OR9Q1: variants seen among roughly 807,000 people sequenced by gnomAD.
OR9Q1 encodes olfactory receptor 9Q1.
For missense variants in OR9Q1, 374 were observed against 378.8 expected (o/e 0.99, Z 0.11); for synonymous variants, 153 against 148.6 (o/e 1.03, Z -0.22).
intron 2 of OR9Q1, among the ~76,000 whole-genome samples, chr11:58,102,823 T>A (rs1853797719): frequency 6.6e-6 from 1 of 152,248 alleles, no homozygotes; most frequent in Non-Finnish European, 1.5e-5. Context: ...ACTTTGGAAA[T>A]TTTCAGCTAT....
chr11:58,161,108 G>A (rs1241299573), intron 2 of OR9Q1, among the ~76,000 whole-genome samples: 2 of 151,864 alleles, frequency 1.3e-5, no homozygotes, highest in Non-Finnish European at 2.9e-5. Flanking sequence ...GTCGGGGGCT[G>A]GGGGAGGGAT....
chr11:58,136,625 G>A (rs1590609628), intron 2 of OR9Q1, among the ~76,000 whole-genome samples: 1 of 152,216 alleles, frequency 6.6e-6, no homozygotes, highest in Admixed American at 6.5e-5. Context: ...TTTAGGCGAT[G>A]TATCACATGG....
At chr11:58,095,302 G>T (rs1161332295) in intron 2 of OR9Q1, among the ~76,000 whole-genome samples, 5 of 152,236 alleles carry the variant, frequency 3.3e-5, no homozygotes, top group South Asian at 2.1e-4. Context: ...ACACCAGGTG[G>T]CTGCTAGGAG....
At position 58,168,745 on chromosome 11, in the gene OR9Q1, T is replaced by C. The variant is rs112280188; in HGVS notation, c.-14-10686T>C. 8.4e-3 allele frequency among the ~76,000 whole-genome samples: 1,276 copies of C among 152,282 alleles called. 22 individuals carry two copies. Among genetic ancestry groups the C allele is most frequent in the African/African-American group, 0.03 (1,230 of 41,576 alleles). On this transcript the variant is annotated intron_variant, in intron 2 of 2. Coordinates refer to ENST00000335397, the MANE Select transcript of OR9Q1 (RefSeq NM_001005212.4). ...TACTAAAAATTTTTAAAATTTATCT[T>C]TAGCTTCTTGTGGTTGTGTGTATAT... is the stretch of plus-strand genomic sequence containing the variant.
At chr11:58,113,311 G>C (rs1208891954) in intron 2 of OR9Q1, among the ~76,000 whole-genome samples, 1 of 152,142 alleles carries the variant, frequency 6.6e-6, no homozygotes, top group African/African-American at 2.4e-5. Context: ...TCCCTCCCAA[G>C]TCAATCTTGA....
At chr11:58,090,713 A>G (rs9787951) in intron 2 of OR9Q1, among the ~76,000 whole-genome samples, 32,439 of 152,156 alleles carry the variant, frequency 0.21, 4,111 homozygotes, top group Middle Eastern at 0.38. Context: ...TTTTAGAAGG[A>G]ATGGTACCAG....
At chr11:58,069,212 C>T (rs1853462875) in intron 2 of OR9Q1, among the ~76,000 whole-genome samples, 1 of 152,050 alleles carries the variant, frequency 6.6e-6, no homozygotes, top group Admixed American at 6.5e-5. Context: ...AGTTAACACC[C>T]TGGATTTGTG....
chr11:58,156,503 T>C (rs1252587415), intron 2 of OR9Q1, among the ~76,000 whole-genome samples: 4 of 152,228 alleles, frequency 2.6e-5, no homozygotes, highest in Non-Finnish European at 4.4e-5. Flanking sequence ...TGATTGTATC[T>C]TTTCTCTAAT....
At chr11:58,152,658 C>T (rs973350951) in intron 2 of OR9Q1, among the ~76,000 whole-genome samples, 1 of 151,994 alleles carries the variant, frequency 6.6e-6, no homozygotes, top group Admixed American at 6.6e-5. Context: ...ACAGATTTGC[C>T]TTTTGAGTTC....
At chr11:58,134,163 G>T (rs1854169576) in intron 2 of OR9Q1, among the ~76,000 whole-genome samples, 1 of 152,200 alleles carries the variant, frequency 6.6e-6, no homozygotes, top group South Asian at 2.1e-4. Flanking sequence ...TGCAAGGCTT[G>T]TTCTACCTAG....
At chr11:58,034,792 C>CCCTTCCTTCCTTCCTT (rs71061567) in intron 1 of OR9Q1, among the ~76,000 whole-genome samples, 3,216 of 96,000 alleles carry the variant, frequency 0.034, 174 homozygotes, top group Middle Eastern at 0.057. Flanking sequence ...CCTCCTTTCT[C>CCCTTCCTTCCTTCCTT]CCTTCCTTCC....
chr11:58,092,607 G>A (rs1853695230), intron 2 of OR9Q1, among the ~76,000 whole-genome samples: 1 of 152,042 alleles, frequency 6.6e-6, no homozygotes, highest in Non-Finnish European at 1.5e-5. Flanking sequence ...CCACAATTAT[G>A]CATTTTCAGA....
intron 2 of OR9Q1, among the ~76,000 whole-genome samples, chr11:58,154,739 A>G (rs1374574): frequency 0.38 from 58,322 of 152,012 alleles, 11,514 homozygotes; most frequent in Admixed American, 0.46. Flanking sequence ...CAATTATTAT[A>G]TATCAATAGG....
At chr11:58,128,398 G>C (rs1323054115) in intron 2 of OR9Q1, among the ~76,000 whole-genome samples, 1 of 151,990 alleles carries the variant, frequency 6.6e-6, no homozygotes, top group Non-Finnish European at 1.5e-5. Context: ...GCAAAGCTGA[G>C]AAACAAATCC....
chr11:58,175,464 C>A (rs1216422444), intron 2 of OR9Q1, among the ~76,000 whole-genome samples: 1 of 152,128 alleles, frequency 6.6e-6, no homozygotes, highest in Non-Finnish European at 1.5e-5. Flanking sequence ...GTTTACCCTA[C>A]CTGTAAGTAA....
intron 2 of OR9Q1, among the ~76,000 whole-genome samples, chr11:58,116,260 A>G (rs1021661366): frequency 2.0e-5 from 3 of 152,200 alleles, no homozygotes; most frequent in Non-Finnish European, 4.4e-5. Flanking sequence ...CAGAAGAAAG[A>G]AAAACCGAAG....
chr11:58,140,899 C>G (rs1381112959), intron 2 of OR9Q1, among the ~76,000 whole-genome samples: 5 of 152,140 alleles, frequency 3.3e-5, no homozygotes, highest in African/African-American at 1.2e-4. Context: ...TTTCACGATA[C>G]TGATTCTTCT....
chr11:58,084,629 G>A (rs1237165302), intron 2 of OR9Q1, among the ~76,000 whole-genome samples: 1 of 151,796 alleles, frequency 6.6e-6, no homozygotes, highest in Non-Finnish European at 1.5e-5. Flanking sequence ...TTGCAAGGCT[G>A]GTTCAACATA....
At chr11:58,174,181 G>A (rs950904841) in intron 2 of OR9Q1, among the ~76,000 whole-genome samples, 5 of 152,190 alleles carry the variant, frequency 3.3e-5, no homozygotes, top group Non-Finnish European at 5.9e-5. Context: ...TGTGGGACAT[G>A]AGTAGACCCG....
Sources: gnomAD v4.1 joint callset for allele counts (sites outside exome capture counted in the v4.1 genomes callset) on GRCh38, gnomAD v4.1.1 for gene constraint, MANE v1.5 for transcripts, NCBI Gene and HGNC (gene_info 2026-07-23, HGNC 2026-07-21) for gene names.